Variants in MDGA2 observed in about 807,000 individuals in gnomAD.
MDGA2 encodes MAM domain-containing glycosylphosphatidylinositol anchor protein 2.
MDGA2 carries 40 observed loss-of-function variants against 117.8 expected under a neutral mutation model. That is an observed-to-expected ratio of 0.34 (90% CI 0.26 to 0.44). The LOEUF (loss-of-function observed/expected upper bound fraction) is 0.44, where lower values mean the gene tolerates loss of function less well. MDGA2 is among the 20% of genes least tolerant of loss of function. MDGA2 has a pLI of 1.00. For synonymous variants in MDGA2, 452 were observed against 439.0 expected (o/e 1.03, Z -0.37); for missense variants, 1,123 against 1,250.6 (o/e 0.90, Z 1.54).
chr14:47,660,552 T>C (rs1956317), intron 1 of MDGA2, among the ~76,000 whole-genome samples: 84,752 of 152,062 alleles, frequency 0.56, 23,952 homozygotes, highest in African/African-American at 0.64. Context: ...AACTGTCCTC[T>C]TGAACACAAC....
At chr14:47,612,213 T>C (rs868790101) in intron 1 of MDGA2, among the ~76,000 whole-genome samples, 22 of 133,044 alleles carry the variant, frequency 1.7e-4, no homozygotes, top group African/African-American at 4.5e-4. Flanking sequence ...GATAGACAGA[T>C]AGATAGATAG....
At chr14:46,988,732 A>C (rs537154309) in intron 8 of MDGA2, among the ~76,000 whole-genome samples, 6 of 152,192 alleles carry the variant, frequency 3.9e-5, no homozygotes, top group Non-Finnish European at 5.9e-5. Flanking sequence ...TCATTTATCT[A>C]TCTCTTCTCA....
At chr14:47,590,075 T>A (rs1896407567) in intron 1 of MDGA2, among the ~76,000 whole-genome samples, 1 of 151,966 alleles carries the variant, frequency 6.6e-6, no homozygotes, top group Non-Finnish European at 1.5e-5. Context: ...TGTATTTGTG[T>A]GTGTGTGCGT....
intron 1 of MDGA2, among the ~76,000 whole-genome samples, chr14:47,465,772 G>A (rs192526602): frequency 6.7e-4 from 102 of 152,218 alleles, no homozygotes; most frequent in African/African-American, 2.1e-3. Flanking sequence ...GCAGGATGGC[G>A]ATTTCTCAAA....
chr14:47,000,779 A>G (rs1887503973), intron 8 of MDGA2, among the ~76,000 whole-genome samples: 1 of 151,924 alleles, frequency 6.6e-6, no homozygotes, highest in South Asian at 2.1e-4. Flanking sequence ...AGGAAGCTAC[A>G]CTTTGAATAT....
intron 6 of MDGA2, among the ~76,000 whole-genome samples, chr14:47,087,506 T>TA (rs1372082364): frequency 2.7e-5 from 4 of 149,314 alleles, no homozygotes; most frequent in Non-Finnish European, 1.5e-5. Flanking sequence ...GTTAGATGGT[T>TA]AGAGCAAATC....
At chr14:47,024,274 C>A (rs1243879596) in intron 8 of MDGA2, among the ~76,000 whole-genome samples, 1 of 152,114 alleles carries the variant, frequency 6.6e-6, no homozygotes, top group Admixed American at 6.5e-5. Context: ...TTACTTACAT[C>A]TTTTAACTGA....
chr14:47,223,884 G>A (rs568105946), intron 2 of MDGA2, among the ~76,000 whole-genome samples: 8 of 152,016 alleles, frequency 5.3e-5, no homozygotes, highest in African/African-American at 9.7e-5. Context: ...TTCACATGGC[G>A]GCAGGAGAGA....
At chr14:47,354,203 G>A (rs960023990) in intron 1 of MDGA2, among the ~76,000 whole-genome samples, 1 of 152,132 alleles carries the variant, frequency 6.6e-6, no homozygotes, top group African/African-American at 2.4e-5. Context: ...AATCAATAGT[G>A]AATATTTGAA....
At chr14:47,377,412 G>A (rs1023335270) in intron 1 of MDGA2, among the ~76,000 whole-genome samples, 1 of 152,140 alleles carries the variant, frequency 6.6e-6, no homozygotes, top group African/African-American at 2.4e-5. Context: ...GCAGGGTGGG[G>A]CATCGCCTCA....
intron 1 of MDGA2, among the ~76,000 whole-genome samples, chr14:47,370,711 T>C (rs1368959089): frequency 6.6e-6 from 1 of 151,530 alleles, no homozygotes; most frequent in Non-Finnish European, 1.5e-5. Context: ...CTTTTTGCTC[T>C]GTCAGTATCC....
chr14:47,580,723 T>G (rs536894715), intron 1 of MDGA2, among the ~76,000 whole-genome samples: 1 of 151,886 alleles, frequency 6.6e-6, no homozygotes, highest in Non-Finnish European at 1.5e-5. Flanking sequence ...TGAAACAATA[T>G]GTATTTACAA....
chr14:47,377,607 G>T (rs1275480404), intron 1 of MDGA2, among the ~76,000 whole-genome samples: 1 of 152,108 alleles, frequency 6.6e-6, no homozygotes, highest in Non-Finnish European at 1.5e-5. Context: ...ACGGAGCCTT[G>T]CTCACTGCTA....
chr14:47,170,422 A>G (rs1223108914), intron 3 of MDGA2, among the ~76,000 whole-genome samples: 4 of 152,182 alleles, frequency 2.6e-5, no homozygotes, highest in African/African-American at 7.2e-5. Flanking sequence ...GGCATTTGAC[A>G]TTTCACCCAA....
In MDGA2 at chr14:47,399,047, T is replaced by C. The variant is rs186653897; in HGVS notation, c.281-97497A>G. 9.9e-4 allele frequency among the ~76,000 whole-genome samples: 151 copies of C among 152,296 alleles called. 1 individual carries two copies. In the Middle Eastern group the frequency reaches 0.01, roughly 10 times the overall value. ...TTAGGTTCTATTTGTATTCATTTGA[T>C]GAGCCCTCTGCCTCTCTAGAAGTTA... is the stretch of plus-strand genomic sequence containing the variant. On this transcript the variant is annotated intron_variant, in intron 1 of 16. Transcript: ENST00000399232.
chr14:47,509,324 G>T (rs534914179), intron 1 of MDGA2, among the ~76,000 whole-genome samples: 1 of 152,332 alleles, frequency 6.6e-6, no homozygotes, highest in South Asian at 2.1e-4. Flanking sequence ...AGGACAATGA[G>T]TTAAAAAATG....
chr14:47,209,353 A>G (rs1253734359), intron 3 of MDGA2, among the ~76,000 whole-genome samples: 1 of 152,162 alleles, frequency 6.6e-6, no homozygotes, highest in Non-Finnish European at 1.5e-5. Context: ...CCTCCAGCTC[A>G]GAAGGCTTAT....
chr14:47,264,683 T>C (rs138578223), intron 2 of MDGA2, among the ~76,000 whole-genome samples: 2 of 152,272 alleles, frequency 1.3e-5, no homozygotes, highest in East Asian at 3.9e-4. Context: ...TATTTTTATT[T>C]TATTTTATTT....
At chr14:46,849,338 A>C (rs565750596) in intron 15 of MDGA2, among the ~76,000 whole-genome samples, 1 of 151,842 alleles carries the variant, frequency 6.6e-6, no homozygotes, top group Non-Finnish European at 1.5e-5. Context: ...GATGTAGATT[A>C]TTTTTTAACA....
Sources: gnomAD v4.1 joint callset for allele counts (sites outside exome capture counted in the v4.1 genomes callset) on GRCh38, gnomAD v4.1.1 for gene constraint, MANE v1.5 for transcripts, NCBI Gene and HGNC (gene_info 2026-07-23, HGNC 2026-07-21) for gene names.